The following SGPP1 variants were observed in gnomAD, a reference collection of about 807,000 sequenced individuals.
SGPP1 encodes the protein hSPP1.
SGPP1 carries 21 observed loss-of-function variants against 33.0 expected under a neutral mutation model. That is an observed-to-expected ratio of 0.64 (90% CI 0.45 to 0.92). The LOEUF is 0.92. Ranked by LOEUF, SGPP1 falls within the 40% of genes least tolerant of loss-of-function variation. The probability of loss-of-function intolerance (pLI) is 0.00; values close to 1 mark genes in which losing one functional copy is unlikely to be tolerated. For synonymous variants in SGPP1, 239 were observed against 241.2 expected (o/e 0.99, Z 0.08); for missense variants, 543 against 589.4 (o/e 0.92, Z 0.81).
chr14:63,685,999 G>C lies in SGPP1; in HGVS notation c.*106C>G. On this transcript the variant is annotated 3_prime_UTR_variant, in exon 3 of 3. Transcript: ENST00000247225. Reference sequence around the variant, plus strand: ...TGAATTTACTTAAATAATTATTTAAGTTAAATTCCTGCAAAAGCCTAATTC... The same window carrying C: ...TGAATTTACTTAAATAATTATTTAACTTAAATTCCTGCAAAAGCCTAATTC... 1.6e-6 allele frequency: 1 copy of C among 629,672 alleles called. No individual in the cohort carries two copies. Among genetic ancestry groups the C allele is most frequent in the Admixed American group, 3.5e-5 (1 of 28,842 alleles). The allele number at this position is 629,672 out of a possible 1,614,324, so 39.0% of individuals were successfully genotyped here.
intron 1 of SGPP1, among the ~76,000 whole-genome samples, chr14:63,711,900 G>A (rs775210433): frequency 1.3e-5 from 2 of 151,806 alleles, no homozygotes; most frequent in African/African-American, 4.8e-5. Flanking sequence ...CGTGGTGGTA[G>A]GCACCTGTAA....
At chr14:63,700,775 A>T (rs1885280941) in intron 1 of SGPP1, among the ~76,000 whole-genome samples, 1 of 152,190 alleles carries the variant, frequency 6.6e-6, no homozygotes, top group African/African-American at 2.4e-5. Context: ...CATTAGGGTC[A>T]TGCAACTAAT....
chr14:63,689,000 C>T (rs1400220817), intron 2 of SGPP1, among the ~76,000 whole-genome samples: 1 of 152,102 alleles, frequency 6.6e-6, no homozygotes, highest in South Asian at 2.1e-4. Flanking sequence ...GGATTACAGG[C>T]GTGAGCCACT....
At chr14:63,714,741 TTTA>T (rs978492803) in intron 1 of SGPP1, among the ~76,000 whole-genome samples, 3 of 145,366 alleles carry the variant, frequency 2.1e-5, no homozygotes, top group African/African-American at 8.1e-5. Context: ...TCTATTTTTA[TTTA>T]TTTTTTTTTT....
At position 63,684,806 on chromosome 14, in the gene SGPP1, C is replaced by T. The variant is rs760337493; in HGVS notation, c.*1299G>A. ...GAAAAAAGAATAGTTTAATACTATA[C>T]GCAAATTTTCCACTGTGAAAATAAT... On this transcript the variant is annotated 3_prime_UTR_variant, in exon 3 of 3. Transcript: ENST00000247225. 5 of 152,180 alleles carry T rather than the reference C, an allele frequency of 3.3e-5. No individual in the cohort carries two copies. The highest frequency in any genetic ancestry group is 1.9e-4 in the East Asian group (1 of 5,198). 9.4% of individuals were successfully genotyped at this position (152,180 alleles called of 1,614,324 possible).
chr14:63,727,556 C>T lies in SGPP1; in HGVS notation c.389G>A (p.Cys130Tyr). 1 of 1,609,960 alleles carries T rather than the reference C, an allele frequency of 6.2e-7. No individual in the cohort carries two copies. Among genetic ancestry groups the T allele is most frequent in the Non-Finnish European group, 8.5e-7 (1 of 1,178,646 alleles). The change falls in exon 1 of 3, where the codon TGC becomes TAC. Residue 130 changes from cysteine (C) to tyrosine (Y), a missense_variant. Coordinates refer to ENST00000247225, the MANE Select transcript of SGPP1 (RefSeq NM_030791.4). ...CAGCTCCGTGCCGAAGCAGAACAGG[C>T]AGTAGAGCGGCCAGTTGCTCACGCG... is the stretch of plus-strand genomic sequence containing the variant. ...LARVSNWPLY[C>Y]LFCFGTELGN...
At chr14:63,686,711 TTAAAAAATA>T (rs1884987752) in intron 2 of SGPP1, 55 bp from the exon 3 acceptor site, 14 of 1,256,738 alleles carry the variant, frequency 1.1e-5, no homozygotes, top group Non-Finnish European at 1.5e-5. Context: ...TTTTTGGCAT[TTAAAAAATA>T]ATTTATATTT....
chr14:63,705,524 C>T (rs1226024822), intron 1 of SGPP1, among the ~76,000 whole-genome samples: 1 of 151,482 alleles, frequency 6.6e-6, no homozygotes, highest in Non-Finnish European at 1.5e-5. Context: ...AAAAATTAGC[C>T]AGGCATGGTG....
intron 1 of SGPP1, among the ~76,000 whole-genome samples, chr14:63,699,117 AT>A (rs1392665911): frequency 4.6e-5 from 7 of 152,218 alleles, no homozygotes; most frequent in Non-Finnish European, 5.9e-5. Flanking sequence ...TCCAATTTAT[AT>A]TGCTATTCCC....
rs112113537 is a variant in SGPP1, at chr14:63,696,653, T to C, written c.774+1916A>G. Among the ~76,000 whole-genome samples the C allele has an allele frequency of 7.8e-3, 1,189 of 152,244 alleles. 17 individuals are homozygous for C. The highest frequency in any genetic ancestry group is 0.029 in the South Asian group (142 of 4,816). The stretch of plus-strand genomic sequence containing the variant: ...ATTCACAATTCATATTAAATACAAA[T>C]AATTATAAAAAGTCAAACACAAATA... On this transcript the variant is annotated intron_variant, in intron 2 of 2. Transcript: ENST00000247225.
intron 1 of SGPP1, among the ~76,000 whole-genome samples, chr14:63,718,977 CATATATATATATATATATATATAT>C (rs1221455081): frequency 1.5e-4 from 4 of 26,968 alleles, no homozygotes; most frequent in Non-Finnish European, 1.9e-4. Context: ...TATGTATATA[CATATATATATATATATATATATAT>C]ATATATATAT....
intron 1 of SGPP1, among the ~76,000 whole-genome samples, chr14:63,699,200 T>C (rs1386055701): frequency 2.6e-5 from 4 of 152,200 alleles, no homozygotes; most frequent in African/African-American, 9.6e-5. Flanking sequence ...AAATTTCAAA[T>C]GGTCCCCTTA....
At chr14:63,708,157 G>A (rs577641503) in intron 1 of SGPP1, among the ~76,000 whole-genome samples, 1 of 151,054 alleles carries the variant, frequency 6.6e-6, no homozygotes, top group African/African-American at 2.4e-5. Flanking sequence ...ATACATATTT[G>A]TGGTATCGTC....
At chr14:63,689,292 T>TA (rs1595060813) in intron 2 of SGPP1, among the ~76,000 whole-genome samples, 1 of 152,090 alleles carries the variant, frequency 6.6e-6, no homozygotes, top group East Asian at 1.9e-4. Flanking sequence ...TTTGGCTTCA[T>TA]AAATACCTGG....
At chr14:63,701,468 T>G (rs1885298407) in intron 1 of SGPP1, among the ~76,000 whole-genome samples, 1 of 152,006 alleles carries the variant, frequency 6.6e-6, no homozygotes, top group East Asian at 1.9e-4. Context: ...AAGTTGAGAT[T>G]TGAGGCAAGA....
intron 2 of SGPP1, among the ~76,000 whole-genome samples, chr14:63,697,156 T>A (rs937341162): frequency 6.6e-6 from 1 of 152,044 alleles, no homozygotes; most frequent in Admixed American, 6.6e-5. Context: ...CAAATCTGCT[T>A]ATGTACCCCT....
rs1199055935 is a variant in SGPP1 at position 63,695,581 on chromosome 14, C to T, written c.774+2988G>A. 1.3e-5 allele frequency among the ~76,000 whole-genome samples: 2 copies of T among 152,084 alleles called. 1 individual carries two copies. Among genetic ancestry groups the T allele is most frequent in the South Asian group, 4.1e-4 (2 of 4,832 alleles). On this transcript the variant is annotated intron_variant, in intron 2 of 2. Transcript: ENST00000247225. ...AGTAAAAATTATAGATAAACAATAA[C>T]AAACAGTTTTTAACCTAACAATAAC...
At chr14:63,705,144 AC>A (rs1285993492) in intron 1 of SGPP1, among the ~76,000 whole-genome samples, 32 of 151,356 alleles carry the variant, frequency 2.1e-4, no homozygotes, top group African/African-American at 7.5e-4. Flanking sequence ...AAACAAAAAA[AC>A]AAAACAAAAC....
chr14:63,724,949 C>T (rs990271313), intron 1 of SGPP1, among the ~76,000 whole-genome samples: 4 of 149,808 alleles, frequency 2.7e-5, no homozygotes, highest in Non-Finnish European at 4.4e-5. Context: ...CCCAGGAGTT[C>T]GAGACCAGCC....
Sources: gnomAD v4.1 joint callset for allele counts (sites outside exome capture counted in the v4.1 genomes callset) on GRCh38, gnomAD v4.1.1 for gene constraint, MANE v1.5 for transcripts, NCBI Gene and HGNC (gene_info 2026-07-23, HGNC 2026-07-21) for gene names.